ADCY2: variants seen among roughly 807,000 people sequenced by gnomAD.
ADCY2 encodes the protein adenylate cyclase 2, also known as adenylate cyclase type 2.
A neutral mutation model predicts 125.2 loss-of-function variants in ADCY2; 31 were observed. The observed-to-expected ratio is 0.25, with a 90% CI of 0.19 to 0.33. The LOEUF (loss-of-function observed/expected upper bound fraction) is 0.33. Ranked by LOEUF, ADCY2 falls within the 10% of genes least tolerant of loss-of-function variation. ADCY2 has a pLI of 1.00. For synonymous variants in ADCY2, 512 were observed against 548.4 expected (o/e 0.93, Z 0.93); for missense variants, 904 against 1,418.2 (o/e 0.64, Z 5.82).
intron 17 of ADCY2, among the ~76,000 whole-genome samples, chr5:7,769,823 G>C (rs1360175527): frequency 2.6e-5 from 4 of 152,210 alleles, no homozygotes; most frequent in African/African-American, 9.7e-5. Flanking sequence ...AATGGTGGCT[G>C]TTACCTTACT....
chr5:7,438,448 A>T (rs1045922579), intron 2 of ADCY2, among the ~76,000 whole-genome samples: 3 of 152,206 alleles, frequency 2.0e-5, no homozygotes, highest in African/African-American at 7.2e-5. Context: ...TAAGTGAATA[A>T]TATGAGGGAG....
Position 7,396,377 on chromosome 5 carries a change from G to A in ADCY2, c.81G>A (p.Pro27=). 6.4e-7 allele frequency: 1 copy of A among 1,558,302 alleles called. No homozygotes were observed. Among genetic ancestry groups the A allele is most frequent in the South Asian group, 1.2e-5 (1 of 86,554 alleles). ...CGGCGGGCGGCGGAGACGGGCTGCC[G>A]CGGTCCCGGGACTGGCTCTACGAGT... The part of the protein sequence containing the change: ...EEAAGGGDGL[P]RSRDWLYESY... The change falls in exon 1 of 25, where the codon CCG becomes CCA. Residue 27 remains proline, a synonymous_variant. Coordinates refer to ENST00000338316, the MANE Select transcript of ADCY2 (RefSeq NM_020546.3). The surrounding 1 kb of genome is among the most constrained non-coding windows in gnomAD (Gnocchi z 5.7).
At chr5:7,477,655 C>G (rs1468404734) in intron 2 of ADCY2, among the ~76,000 whole-genome samples, 2 of 152,104 alleles carry the variant, frequency 1.3e-5, no homozygotes, top group African/African-American at 2.4e-5. Flanking sequence ...AAGATTTGCT[C>G]TTATCCAGTC....
intron 14 of ADCY2, among the ~76,000 whole-genome samples, chr5:7,734,942 G>T (rs1361150427): frequency 6.6e-6 from 1 of 152,140 alleles, no homozygotes; most frequent in Non-Finnish European, 1.5e-5. Context: ...ATGGCAGAAA[G>T]AAATAGTTCT....
intron 15 of ADCY2, among the ~76,000 whole-genome samples, chr5:7,751,024 T>G (rs560218766): frequency 6.6e-6 from 1 of 152,200 alleles, no homozygotes; most frequent in Non-Finnish European, 1.5e-5. Context: ...CTCTTTTTCC[T>G]ATTTTCCACT....
chr5:7,432,375 A>C (rs908567631), intron 2 of ADCY2, among the ~76,000 whole-genome samples: 1 of 152,202 alleles, frequency 6.6e-6, no homozygotes, highest in South Asian at 2.1e-4. Context: ...TCCGCAGATG[A>C]CAAAGCTAAA....
chr5:7,772,046 C>T (rs1302903965), intron 17 of ADCY2, among the ~76,000 whole-genome samples: 2 of 152,170 alleles, frequency 1.3e-5, no homozygotes, highest in African/African-American at 4.8e-5. Context: ...ACTCTGGGCT[C>T]TGTGCATTAC....
Position 7,474,031 on chromosome 5 carries a change from C to G in ADCY2, c.409-46707C>G, listed in dbSNP as rs114388387. Among the ~76,000 whole-genome samples, 77 of 152,314 alleles carry G rather than the reference C, an allele frequency of 5.1e-4. 1 individual carries two copies. Among genetic ancestry groups the G allele is most frequent in the African/African-American group, 1.8e-3 (76 of 41,574 alleles). Reference sequence around the variant, plus strand: ...TCTCCCCTGGGAAGCAGCTGTCTTTCTTAAGATTTTAGGCCAGTTCATTGC... The same window carrying G: ...TCTCCCCTGGGAAGCAGCTGTCTTTGTTAAGATTTTAGGCCAGTTCATTGC... On this transcript the variant is annotated intron_variant, in intron 2 of 24. Transcript: ENST00000338316.
chr5:7,774,935 C>T (rs1320409665), intron 18 of ADCY2, among the ~76,000 whole-genome samples: 1 of 152,188 alleles, frequency 6.6e-6, no homozygotes, highest in African/African-American at 2.4e-5. Context: ...GAAATAATTG[C>T]ATCATGGAGA....
chr5:7,419,380 G>GT (rs1389584911), intron 2 of ADCY2, among the ~76,000 whole-genome samples: 1 of 152,202 alleles, frequency 6.6e-6, no homozygotes, highest in African/African-American at 2.4e-5. Context: ...TGGAGCCCCT[G>GT]TTGTCCTCTC....
intron 3 of ADCY2, among the ~76,000 whole-genome samples, chr5:7,625,925 C>A (rs145047261): frequency 3.5e-4 from 53 of 152,196 alleles, no homozygotes; most frequent in Middle Eastern, 3.4e-3. Flanking sequence ...TGGCTAAGCC[C>A]AAAGTCAAGG....
intron 3 of ADCY2, among the ~76,000 whole-genome samples, chr5:7,611,575 G>A (rs934928237): frequency 2.6e-5 from 4 of 152,116 alleles, no homozygotes; most frequent in Non-Finnish European, 5.9e-5. Flanking sequence ...GGCTTGGATG[G>A]ATTTCTATTT....
intron 18 of ADCY2, among the ~76,000 whole-genome samples, chr5:7,783,298 G>T (rs1259909429): frequency 6.6e-6 from 1 of 152,136 alleles, no homozygotes; most frequent in Non-Finnish European, 1.5e-5. Flanking sequence ...TATGTGTCAG[G>T]CTCTGTGCCA....
chr5:7,665,284 C>CCTGGATGTCCCAGTTGTCCAT (rs1739674795), intron 4 of ADCY2, among the ~76,000 whole-genome samples: 1 of 152,170 alleles, frequency 6.6e-6, no homozygotes, highest in South Asian at 2.1e-4. Context: ...ACAGCTGCCG[C>CCTGGATGTCCCAGTTGTCCAT]CTGGATGTCC....
chr5:7,701,876 A>T (rs1232136748), intron 7 of ADCY2, among the ~76,000 whole-genome samples: 1 of 152,038 alleles, frequency 6.6e-6, no homozygotes, highest in Non-Finnish European at 1.5e-5. Flanking sequence ...ACCACATTTT[A>T]TTTATTTTTT....
Position 7,766,775 on chromosome 5 carries a change from T to C in ADCY2, c.2183T>C (p.Ile728Thr). 1 of 1,611,266 alleles carries C rather than the reference T, an allele frequency of 6.2e-7. No homozygotes were observed. Among genetic ancestry groups the C allele is most frequent in the Non-Finnish European group, 8.5e-7 (1 of 1,179,378 alleles). ...SFSASNNQVA[I>T]LRAQNLFFLP... ...TCAGCCTCAAATAATCAGGTGGCGA[T>C]TCTGCGTGCGCAGAATTTATTTTTC... is the stretch of plus-strand genomic sequence containing the variant. Residue 728 changes from isoleucine to threonine, a missense_variant, in exon 17 of 25, where the codon ATT (isoleucine) becomes ACT (threonine). Ile to Thr is a moderately conservative substitution (Grantham distance 89). Transcript: ENST00000338316.
intron 4 of ADCY2, among the ~76,000 whole-genome samples, chr5:7,632,450 C>G (rs186219235): frequency 6.6e-6 from 1 of 152,104 alleles, no homozygotes; most frequent in East Asian, 1.9e-4. Context: ...TTAGTATATA[C>G]TTTTCTCTTT....
At chr5:7,615,911 A>G (rs1737741135) in intron 3 of ADCY2, among the ~76,000 whole-genome samples, 1 of 152,234 alleles carries the variant, frequency 6.6e-6, no homozygotes, top group Non-Finnish European at 1.5e-5. Flanking sequence ...GCAACACTCA[A>G]CAGACACATT....
chr5:7,629,675 C>T (rs559365339), intron 4 of ADCY2, among the ~76,000 whole-genome samples: 11 of 152,198 alleles, frequency 7.2e-5, no homozygotes, highest in Non-Finnish European at 1.3e-4. Context: ...TCACCTGTCT[C>T]GAGTTTTGAC....
Sources: gnomAD v4.1 joint callset for allele counts (sites outside exome capture counted in the v4.1 genomes callset) on GRCh38, gnomAD v4.1.1 for gene constraint, Gnocchi (gnomAD v3.1) non-coding constraint, MANE v1.5 for transcripts, NCBI Gene and HGNC (gene_info 2026-07-23, HGNC 2026-07-21) for gene names.